FMN1: variants seen among roughly 807,000 people sequenced by gnomAD.
FMN1 encodes formin 1, also known as formin-1.
In FMN1, 110 loss-of-function variants were observed where a neutral mutation model predicts 132.4. The observed-to-expected ratio is 0.83, with a 90% CI of 0.71 to 0.97. The LOEUF (loss-of-function observed/expected upper bound fraction) is 0.97, where lower values mean the gene tolerates loss of function less well. FMN1 is among the 50% of genes least tolerant of loss of function. The pLI is 0.00. For missense variants in FMN1, 1,792 were observed against 1,705.3 expected (o/e 1.05, Z -0.90); for synonymous variants, 722 against 651.7 (o/e 1.11, Z -1.64).
rs115875670 is a variant in FMN1 at position 33,001,546 on chromosome 15, A to C, written c.2223+6468T>G. Among the ~76,000 whole-genome samples the C allele has an allele frequency of 5.8e-3, 676 of 117,522 alleles. 3 individuals carry two copies. The highest frequency in any genetic ancestry group is 0.018 in the African/African-American group (550 of 30,716). The allele number at this position is 117,522 out of a possible 152,430, so 77.1% of individuals were successfully genotyped here. A position where few individuals can be genotyped will look rare whatever the true frequency, so the allele number is the denominator to read the frequency against. ...GTTTTGTCCAAGTGCGTCCCCCCTC[A>C]TCCTCCTCCTCCTCCCACTTCCCCC... is the stretch of plus-strand genomic sequence containing the variant. On this transcript the variant is annotated intron_variant, in intron 7 of 20. Coordinates refer to ENST00000616417, the MANE Select transcript of FMN1 (RefSeq NM_001277313.2).
intron 19 of FMN1, among the ~76,000 whole-genome samples, chr15:32,788,572 C>T (rs990459768): frequency 9.2e-5 from 14 of 152,162 alleles, no homozygotes; most frequent in Non-Finnish European, 2.1e-4. Context: ...GTCTCTCTGG[C>T]GCCCCTCAAA....
chr15:33,168,000 A>G (rs1965175908), intron 3 of FMN1, among the ~76,000 whole-genome samples: 2 of 152,162 alleles, frequency 1.3e-5, no homozygotes, highest in Admixed American at 1.3e-4. Context: ...TCACGTAAAA[A>G]TGGATCCACT....
chr15:33,000,065 C>A (rs2034003783), intron 7 of FMN1, among the ~76,000 whole-genome samples: 1 of 152,132 alleles, frequency 6.6e-6, no homozygotes, highest in African/African-American at 2.4e-5. Context: ...TAACTGAAAA[C>A]CTAAACACAT....
chr15:33,056,992 A>T (rs2037246185), intron 6 of FMN1, among the ~76,000 whole-genome samples: 1 of 152,154 alleles, frequency 6.6e-6, no homozygotes, highest in Non-Finnish European at 1.5e-5. Context: ...CCTGGCCAAC[A>T]TGGCAAAACC....
At chr15:33,173,729 G>T (rs750129943) in intron 3 of FMN1, among the ~76,000 whole-genome samples, 1 of 152,206 alleles carries the variant, frequency 6.6e-6, no homozygotes, top group Admixed American at 6.5e-5. Flanking sequence ...AGGAGTTCCA[G>T]ATCAGCCTGG....
intron 16 of FMN1, among the ~76,000 whole-genome samples, chr15:32,877,519 T>A (rs938492782): frequency 3.9e-5 from 6 of 152,178 alleles, no homozygotes; most frequent in African/African-American, 1.4e-4. Context: ...TAACCCTTCA[T>A]GAACAAGGAG....
At chr15:33,173,554 G>A (rs886224146) in intron 3 of FMN1, among the ~76,000 whole-genome samples, 5 of 152,200 alleles carry the variant, frequency 3.3e-5, no homozygotes, top group Non-Finnish European at 7.3e-5. Context: ...TTAATGCAGG[G>A]CACCAGAGGC....
At chr15:33,108,534 A>G (rs902804739) in intron 4 of FMN1, among the ~76,000 whole-genome samples, 1 of 152,140 alleles carries the variant, frequency 6.6e-6, no homozygotes, top group Admixed American at 6.6e-5. Context: ...TTAAACAACA[A>G]GAGGCCTGGA....
chr15:32,817,799 C>T (rs2058097829), intron 17 of FMN1, among the ~76,000 whole-genome samples: 1 of 152,194 alleles, frequency 6.6e-6, no homozygotes, highest in Non-Finnish European at 1.5e-5. Flanking sequence ...CAGGTGGAAT[C>T]CTCCAGAGTC....
chr15:32,791,368 T>A (rs1595918811), intron 19 of FMN1, among the ~76,000 whole-genome samples: 1 of 148 alleles, frequency 6.8e-3, no homozygotes, highest in Non-Finnish European at 0.062. Context: ...GCAATAAACC[T>A]TTTTTTTTTT....
chr15:33,065,056 CAGTCAGGCTGT>C lies in FMN1; in HGVS notation c.2051_2061del (p.His684ArgfsTer4). ...CTGCCAGGAGTCCTGTCATCCTGCTCAGTCAGGCTGTGGTCAGGCTGTTGAAAGAGCAGGCA... is the reference window on the plus strand; with the variant it reads ...CTGCCAGGAGTCCTGTCATCCTGCTCGGTCAGGCTGTTGAAAGAGCAGGCA... On this transcript the variant is annotated frameshift_variant, in exon 6 of 21. Coordinates refer to ENST00000616417, the MANE Select transcript of FMN1 (RefSeq NM_001277313.2). LOFTEE classifies it high-confidence loss of function. 1 of 1,610,048 alleles carries C rather than the reference CAGTCAGGCTGT, an allele frequency of 6.2e-7. No homozygotes were observed. Among genetic ancestry groups the C allele is most frequent in the Non-Finnish European group, 8.5e-7 (1 of 1,178,056 alleles).
At chr15:32,776,994 T>A in intron 19 of FMN1, 75 bp from the exon 20 acceptor site, 1 of 860,750 alleles carries the variant, frequency 1.2e-6, no homozygotes, top group South Asian at 1.6e-5. Context: ...AAGAAAAGAG[T>A]TAAGGCAGGT....
In FMN1 at chr15:32,785,638, C is replaced by T. The variant is rs190362985; in HGVS notation, c.4131-8719G>A. 9.1e-4 allele frequency among the ~76,000 whole-genome samples: 138 copies of T among 152,174 alleles called. 2 individuals are homozygous for T. The South Asian group carries it at 0.013, about 14-fold the overall frequency. The stretch of plus-strand genomic sequence containing the variant: ...TACTATCAGGGCATTTTTGTTAATA[C>T]ATTACTTGCTTTTGTATTGTAGACA... On this transcript the variant is annotated intron_variant, in intron 19 of 20. Coordinates refer to ENST00000616417, the MANE Select transcript of FMN1 (RefSeq NM_001277313.2).
chr15:33,013,753 G>C (rs1416119322), intron 6 of FMN1, among the ~76,000 whole-genome samples: 2 of 152,174 alleles, frequency 1.3e-5, no homozygotes, highest in East Asian at 3.8e-4. Flanking sequence ...CCCATGTCAT[G>C]ATAAATATCC....
intron 7 of FMN1, among the ~76,000 whole-genome samples, chr15:32,982,748 C>T (rs1359830137): frequency 2.0e-5 from 3 of 152,114 alleles, no homozygotes; most frequent in East Asian, 1.9e-4. Flanking sequence ...GGCCTTCGAA[C>T]TGGGACATAA....
chr15:33,113,980 C>T (rs1360338459), intron 4 of FMN1, among the ~76,000 whole-genome samples: 1 of 152,208 alleles, frequency 6.6e-6, no homozygotes, highest in African/African-American at 2.4e-5. Context: ...TCAGGAATTG[C>T]TCTAGGCTCA....
At chr15:33,102,976 A>AT (rs985232241) in intron 4 of FMN1, among the ~76,000 whole-genome samples, 2 of 151,904 alleles carry the variant, frequency 1.3e-5, no homozygotes, top group African/African-American at 4.8e-5. Flanking sequence ...TCTTTAATTT[A>AT]TTTTTTATTT....
At chr15:33,134,091 G>T (rs1963660311) in intron 4 of FMN1, among the ~76,000 whole-genome samples, 1 of 152,100 alleles carries the variant, frequency 6.6e-6, no homozygotes, top group South Asian at 2.1e-4. Flanking sequence ...TGGGACTACA[G>T]GCACACAACA....
chr15:32,980,428 G>A (rs1567500656), intron 7 of FMN1, among the ~76,000 whole-genome samples: 1 of 151,992 alleles, frequency 6.6e-6, no homozygotes, highest in East Asian at 1.9e-4. Context: ...TTACAAACCA[G>A]GTTTTCTAGG....
Sources: allele counts gnomAD v4.1 joint callset (sites outside exome capture counted in the v4.1 genomes callset), GRCh38; gene constraint gnomAD v4.1.1; transcripts MANE v1.5; gene names NCBI Gene and HGNC (gene_info 2026-07-23, HGNC 2026-07-21).